Variants in NRXN1 observed in about 807,000 individuals in gnomAD.
The protein encoded by NRXN1 is neurexin-1.
Under a neutral mutation model 150.9 loss-of-function variants are expected in NRXN1, and 39 were observed. That is an observed-to-expected ratio of 0.26 (90% CI 0.20 to 0.34). The LOEUF (loss-of-function observed/expected upper bound fraction) is 0.34. Ranked by LOEUF, NRXN1 falls within the 10% of genes least tolerant of loss-of-function variation. NRXN1 has a pLI of 1.00. For synonymous variants in NRXN1, 924 were observed against 757.0 expected, an observed-to-expected ratio of 1.22 and a Z score of -3.62; for missense variants, 1,815 against 1,949.9, an observed-to-expected ratio of 0.93 and a Z score of 1.30.
intron 17 of NRXN1, among the ~76,000 whole-genome samples, chr2:50,316,138 G>T (rs755474925): frequency 2.1e-4 from 32 of 152,044 alleles, no homozygotes; most frequent in Non-Finnish European, 4.1e-4. Context: ...TAGAAGCTTG[G>T]AGGCTATAAT....
chr2:50,013,593 T>A (rs1220359136), intron 21 of NRXN1, among the ~76,000 whole-genome samples: 1 of 152,024 alleles, frequency 6.6e-6, no homozygotes, highest in Admixed American at 6.6e-5. Flanking sequence ...TTATGAAGAG[T>A]CTTATGGATG....
intron 15 of NRXN1, among the ~76,000 whole-genome samples, chr2:50,472,907 G>A (rs1014287851): frequency 1.3e-5 from 2 of 151,582 alleles, no homozygotes; most frequent in African/African-American, 2.4e-5. Context: ...ATGCCAGAGG[G>A]TTTCATGATG....
intron 5 of NRXN1, among the ~76,000 whole-genome samples, chr2:50,896,560 G>C (rs542706027): frequency 7.2e-4 from 110 of 152,264 alleles, no homozygotes; most frequent in Non-Finnish European, 1.3e-3. Flanking sequence ...GAAAGGTTCA[G>C]AATTGGCCAG....
At chr2:50,805,702 A>G (rs1322671273) in intron 5 of NRXN1, among the ~76,000 whole-genome samples, 2 of 152,154 alleles carry the variant, frequency 1.3e-5, no homozygotes, top group African/African-American at 4.8e-5. Context: ...TTTTATTTTG[A>G]ATTAATAGTG....
intron 8 of NRXN1, among the ~76,000 whole-genome samples, chr2:50,554,194 T>C (rs187553794): frequency 2.6e-5 from 4 of 152,230 alleles, no homozygotes; most frequent in Non-Finnish European, 5.9e-5. Context: ...GTATGTTTTG[T>C]TTTTCATTTT....
At chr2:50,140,671 T>C (rs76918223) in intron 18 of NRXN1, among the ~76,000 whole-genome samples, 2,275 of 102,522 alleles carry the variant, frequency 0.022, 52 homozygotes, top group African/African-American at 0.068. Context: ...TTCTCTCTCT[T>C]TTTTTTTTTT....
chr2:50,874,594 T>A (rs955371381), intron 5 of NRXN1, among the ~76,000 whole-genome samples: 2 of 151,854 alleles, frequency 1.3e-5, no homozygotes, highest in African/African-American at 4.8e-5. Context: ...CATCTCCAAA[T>A]GAAATAGTAG....
At chr2:50,075,055 C>T (rs1696867957) in intron 19 of NRXN1, among the ~76,000 whole-genome samples, 2 of 152,122 alleles carry the variant, frequency 1.3e-5, no homozygotes, top group South Asian at 4.1e-4. Flanking sequence ...AAATTGAGAA[C>T]ACTGTAGTCA....
At chr2:50,074,730 G>A (rs1468010852) in intron 19 of NRXN1, among the ~76,000 whole-genome samples, 1 of 152,094 alleles carries the variant, frequency 6.6e-6, no homozygotes, top group Non-Finnish European at 1.5e-5. Context: ...CCATAGCCCA[G>A]GAAGAGTTGA....
At chr2:50,873,800 A>G (rs138173362) in intron 5 of NRXN1, among the ~76,000 whole-genome samples, 188 of 151,980 alleles carry the variant, frequency 1.2e-3, no homozygotes, top group African/African-American at 4.3e-3. Context: ...TTTATGGCCA[A>G]GAGCTGGTCA....
chr2:50,886,240 G>T (rs1680225302), intron 5 of NRXN1, among the ~76,000 whole-genome samples: 1 of 151,056 alleles, frequency 6.6e-6, no homozygotes, highest in African/African-American at 2.4e-5. Flanking sequence ...ATAGAAATGA[G>T]GAGAATGAAA....
intron 5 of NRXN1, among the ~76,000 whole-genome samples, chr2:50,802,799 G>A (rs911466847): frequency 2.0e-5 from 3 of 152,066 alleles, no homozygotes; most frequent in Non-Finnish European, 4.4e-5. Context: ...ACAGAGGGAG[G>A]AGGATGTGAA....
intron 18 of NRXN1, among the ~76,000 whole-genome samples, chr2:50,160,720 A>G (rs1574244352): frequency 6.6e-6 from 1 of 152,136 alleles, no homozygotes; most frequent in Non-Finnish European, 1.5e-5. Flanking sequence ...CTTGTCAAAC[A>G]CTATCCAGAA....
intron 5 of NRXN1, among the ~76,000 whole-genome samples, chr2:50,853,534 CAT>C (rs955278423): frequency 6.6e-6 from 1 of 152,052 alleles, no homozygotes; most frequent in Non-Finnish European, 1.5e-5. Context: ...TTTGTAGTAA[CAT>C]TTCTATTCAC....
chr2:50,716,497 A>G (rs890815282), intron 5 of NRXN1, among the ~76,000 whole-genome samples: 3 of 152,206 alleles, frequency 2.0e-5, no homozygotes, highest in Non-Finnish European at 4.4e-5. Flanking sequence ...AGATAATTAC[A>G]GTCCACATTT....
intron 18 of NRXN1, among the ~76,000 whole-genome samples, chr2:50,117,283 G>C (rs562371848): frequency 5.9e-5 from 9 of 152,196 alleles, no homozygotes; most frequent in Admixed American, 2.0e-4. Flanking sequence ...AAGATCCCCA[G>C]AGTGTTGTGC....
At chr2:50,544,925 G>C (rs1395283228) in intron 9 of NRXN1, among the ~76,000 whole-genome samples, 2 of 152,094 alleles carry the variant, frequency 1.3e-5, no homozygotes, top group African/African-American at 4.8e-5. Flanking sequence ...TACAAAGAAT[G>C]GCACAGAAAA....
chr2:50,368,096 C>T (rs974885206), intron 17 of NRXN1, among the ~76,000 whole-genome samples: 2 of 151,970 alleles, frequency 1.3e-5, no homozygotes, highest in Non-Finnish European at 2.9e-5. Flanking sequence ...TTCCTAGAGT[C>T]CTCAAAGGTC....
intron 18 of NRXN1, among the ~76,000 whole-genome samples, chr2:50,215,595 T>A (rs1312733966): frequency 6.6e-6 from 1 of 152,040 alleles, no homozygotes; most frequent in Non-Finnish European, 1.5e-5. Flanking sequence ...CAGGCCTTAA[T>A]TTTCTTATTC....
Sources: gnomAD v4.1 joint callset for allele counts (sites outside exome capture counted in the v4.1 genomes callset) on GRCh38, gnomAD v4.1.1 for gene constraint, MANE v1.5 for transcripts, NCBI Gene and HGNC (gene_info 2026-07-23, HGNC 2026-07-21) for gene names.